The following CRTC3 variants were observed in gnomAD, a reference collection of about 807,000 sequenced individuals.
CRTC3 encodes CREB-regulated transcription coactivator 3.
A neutral mutation model predicts 74.5 loss-of-function variants in CRTC3; 26 were observed. That is an observed-to-expected ratio of 0.35 (90% CI 0.26 to 0.48). CRTC3 has a LOEUF of 0.48. CRTC3 is among the 20% of genes least tolerant of loss of function. The pLI is 0.99. For missense variants in CRTC3, 760 were observed against 787.3 expected (o/e 0.97, Z 0.41); for synonymous variants, 377 against 325.8 (o/e 1.16, Z -1.69).
chr15:90,537,238 C>T (rs1431300704), intron 1 of CRTC3, among the ~76,000 whole-genome samples: 1 of 83,438 alleles, frequency 1.2e-5, no homozygotes. Context: ...ATGATAATAT[C>T]TTAAGTTGAC....
chr15:90,601,187 T>G (rs1216647868), intron 3 of CRTC3, among the ~76,000 whole-genome samples: 1 of 152,160 alleles, frequency 6.6e-6, no homozygotes, highest in Non-Finnish European at 1.5e-5. Flanking sequence ...ACAGCGCCCC[T>G]CTGCTCGGTG....
rs755197230 is a variant in CRTC3 at position 90,619,839 on chromosome 15, T to C, written c.749+49T>C. On this transcript the variant is annotated intron_variant, in intron 9 of 14. Coordinates refer to ENST00000268184, the MANE Select transcript of CRTC3 (RefSeq NM_022769.5). ...TGTTTCAGGGACTATCCTGAAGGTT[T>C]TTCCCAAAAGTCTCGCTGCTTTGTT... 2.0e-6 allele frequency: 3 copies of C among 1,514,470 alleles called. No individual in the cohort carries two copies. The African/African-American group carries it at 4.1e-5, about 21-fold the overall frequency. The allele number at this position is 1,514,470 out of a possible 1,614,324, so 93.8% of individuals were successfully genotyped here.
chr15:90,592,271 T>A (rs1967817973), intron 2 of CRTC3, among the ~76,000 whole-genome samples: 1 of 152,232 alleles, frequency 6.6e-6, no homozygotes, highest in Non-Finnish European at 1.5e-5. Flanking sequence ...TGTGAGGTGA[T>A]GGATATGTTA....
At chr15:90,568,919 GTA>G (rs1407060387) in intron 2 of CRTC3, among the ~76,000 whole-genome samples, 1 of 151,714 alleles carries the variant, frequency 6.6e-6, no homozygotes, top group African/African-American at 2.4e-5. Context: ...AAATTAAAGT[GTA>G]TATATTTTTC....
intron 6 of CRTC3, among the ~76,000 whole-genome samples, chr15:90,613,190 A>AGG: frequency 1.5e-5 from 2 of 133,062 alleles, no homozygotes; most frequent in African/African-American, 5.7e-5. Context: ...CTCGGGAAAA[A>AGG]AAAAAAAAAA....
intron 6 of CRTC3, among the ~76,000 whole-genome samples, chr15:90,609,558 A>C (rs932819764): frequency 1.3e-5 from 2 of 152,190 alleles, no homozygotes; most frequent in Admixed American, 6.5e-5. Context: ...CAAAGTTTAC[A>C]CTTCTCTAGA....
intron 11 of CRTC3, among the ~76,000 whole-genome samples, chr15:90,630,401 G>GA (rs1968994088): frequency 6.6e-6 from 1 of 152,206 alleles, no homozygotes; most frequent in Admixed American, 6.5e-5. Flanking sequence ...TTATAAGGAT[G>GA]AAAAGAAGTC....
intron 2 of CRTC3, among the ~76,000 whole-genome samples, chr15:90,580,313 AAGGCTCACAGAGTGGTT>A (rs1469793680): frequency 6.6e-6 from 1 of 152,172 alleles, no homozygotes; most frequent in African/African-American, 2.4e-5. Context: ...AGTAACTCCT[AAGGCTCACAGAGTGGTT>A]AGTTTTCCCT....
intron 3 of CRTC3, chr15:90,600,625 A>G (rs11636571): frequency 0.66 from 100,847 of 152,010 alleles, 33,924 homozygotes; most frequent in South Asian, 0.78. Flanking sequence ...CAGTTTCTTC[A>G]GCTATAAAAT....
intron 10 of CRTC3, among the ~76,000 whole-genome samples, chr15:90,627,208 A>G (rs1455686207): frequency 6.6e-6 from 1 of 152,244 alleles, no homozygotes; most frequent in Non-Finnish European, 1.5e-5. Flanking sequence ...AGGTTTGAAG[A>G]ATTGATTTCA....
intron 2 of CRTC3, among the ~76,000 whole-genome samples, chr15:90,541,928 G>C (rs1400575482): frequency 6.6e-6 from 1 of 151,718 alleles, no homozygotes; most frequent in African/African-American, 2.4e-5. Context: ...GGGATTACAG[G>C]CGTGCACTAC....
chr15:90,585,720 T>C (rs970834948), intron 2 of CRTC3, among the ~76,000 whole-genome samples: 1 of 152,244 alleles, frequency 6.6e-6, no homozygotes, highest in Non-Finnish European at 1.5e-5. Context: ...CTCTTGCTTT[T>C]ACTTGTGTTG....
At chr15:90,634,960 C>A (rs906978049) in intron 11 of CRTC3, 2 of 1,530,160 alleles carry the variant, frequency 1.3e-6, no homozygotes, top group Non-Finnish European at 1.8e-6. Context: ...TATGGAGGCA[C>A]CAAAGTAGTT....
intron 2 of CRTC3, among the ~76,000 whole-genome samples, chr15:90,541,730 C>T (rs773552487): frequency 1.6e-4 from 24 of 151,060 alleles, no homozygotes; most frequent in African/African-American, 3.9e-4. Flanking sequence ...TGTTCCCCTC[C>T]GGTTGCATTG....
At chr15:90,634,722 G>C in intron 11 of CRTC3, 1 of 758,936 alleles carries the variant, frequency 1.3e-6, no homozygotes, top group Non-Finnish European at 2.3e-6. Context: ...GGCGAAGGGA[G>C]TCATGGCAGG....
chr15:90,613,642 C>A (rs753872830), intron 6 of CRTC3: 1 of 152,056 alleles, frequency 6.6e-6, no homozygotes, highest in Non-Finnish European at 1.5e-5. Flanking sequence ...TATAGGTTAA[C>A]CTTAGCCAAA....
intron 2 of CRTC3, among the ~76,000 whole-genome samples, chr15:90,576,082 G>C (rs1183593973): frequency 1.3e-5 from 2 of 152,062 alleles, no homozygotes; most frequent in Non-Finnish European, 2.9e-5. Context: ...GAGGAGTTGA[G>C]GATAGTATTG....
chr15:90,573,647 A>G (rs1242381961), intron 2 of CRTC3, among the ~76,000 whole-genome samples: 1 of 151,396 alleles, frequency 6.6e-6, no homozygotes, highest in Non-Finnish European at 1.5e-5. Context: ...TTTTTTTCCC[A>G]TTGATATGGC....
At chr15:90,534,261 T>C (rs1966681162) in intron 1 of CRTC3, among the ~76,000 whole-genome samples, 1 of 152,106 alleles carries the variant, frequency 6.6e-6, no homozygotes, top group African/African-American at 2.4e-5. Flanking sequence ...GCTGGAACCA[T>C]TTCAGGGTGT....
Sources: allele counts gnomAD v4.1 joint callset (sites outside exome capture counted in the v4.1 genomes callset), GRCh38; gene constraint gnomAD v4.1.1; transcripts MANE v1.5; gene names NCBI Gene and HGNC (gene_info 2026-07-23, HGNC 2026-07-21).